PPARG: variants seen among roughly 807,000 people sequenced by gnomAD.
PPARG encodes peroxisome proliferator-activated receptor gamma.
In PPARG, 17 loss-of-function variants were observed where a neutral mutation model predicts 39.2. The observed-to-expected ratio is 0.43, with a 90% CI of 0.30 to 0.65. PPARG has a LOEUF of 0.65. Among genes scored for constraint, PPARG ranks in the 30% least tolerant of loss-of-function variants. The probability of loss-of-function intolerance (pLI) is 0.13; values close to 1 mark genes in which losing one functional copy is unlikely to be tolerated. For missense variants in PPARG, 406 were observed against 585.9 expected (o/e 0.69, Z 3.17); for synonymous variants, 223 against 215.7 (o/e 1.03, Z -0.30).
chr3:12,338,535 A>T (rs1440234983), intron 2 of PPARG, among the ~76,000 whole-genome samples: 2 of 152,228 alleles, frequency 1.3e-5, no homozygotes, highest in Non-Finnish European at 2.9e-5. Flanking sequence ...GTTGTAAACT[A>T]TGTTTATAGC....
At chr3:12,348,085 T>G (rs1441962299) in intron 2 of PPARG, among the ~76,000 whole-genome samples, 1 of 152,148 alleles carries the variant, frequency 6.6e-6, no homozygotes, top group Admixed American at 6.5e-5. Flanking sequence ...GAGAATAAAT[T>G]CCAAATTTAT....
At chr3:12,331,598 G>A (rs1260682326) in intron 2 of PPARG, among the ~76,000 whole-genome samples, 2 of 152,162 alleles carry the variant, frequency 1.3e-5, no homozygotes, top group African/African-American at 4.8e-5. Flanking sequence ...AGGCAAGGAT[G>A]GCAGACAGGA....
chr3:12,421,392 G>C (rs1553651430), intron 7 of PPARG, among the ~76,000 whole-genome samples: 1 of 152,210 alleles, frequency 6.6e-6, no homozygotes, highest in Non-Finnish European at 1.5e-5. Context: ...GCAAAGCCAT[G>C]TTTGCAACTG....
At chr3:12,302,687 A>G (rs2046958810) in intron 1 of PPARG, among the ~76,000 whole-genome samples, 1 of 152,222 alleles carries the variant, frequency 6.6e-6, no homozygotes, top group South Asian at 2.1e-4. Context: ...AGTGAGAAAC[A>G]TGGTTGGAAG....
chr3:12,387,235 A>G (rs1217802399), intron 4 of PPARG, among the ~76,000 whole-genome samples: 2 of 152,200 alleles, frequency 1.3e-5, no homozygotes, highest in Non-Finnish European at 2.9e-5. Flanking sequence ...ATATATACCC[A>G]GTAATGGGAT....
At position 12,381,473 on chromosome 3, in the gene PPARG, T is replaced by C. The variant is rs199870649; in HGVS notation, c.372T>C (p.His124=). 1.2e-6 allele frequency: 2 copies of C among 1,613,560 alleles called. No homozygotes were observed. The highest frequency in any genetic ancestry group is 3.3e-5 in the Admixed American group (2 of 59,938). ...CTTCTGGATTTCACTATGGAGTTCATGCTTGTGAAGGATGCAAGGTAATTA... is the reference window on the plus strand; with the variant it reads ...CTTCTGGATTTCACTATGGAGTTCACGCTTGTGAAGGATGCAAGGTAATTA... The part of the protein sequence containing the change: ...DKASGFHYGV[H]ACEGCKGFFR... The change falls in exon 4 of 8, where the codon CAT becomes CAC. Residue 124 remains histidine, a synonymous_variant. Coordinates refer to ENST00000651735, the MANE Select transcript of PPARG (RefSeq NM_138711.6).
intron 2 of PPARG, among the ~76,000 whole-genome samples, chr3:12,343,128 C>T (rs951732868): frequency 6.9e-6 from 1 of 144,422 alleles, no homozygotes; most frequent in South Asian, 2.1e-4. Flanking sequence ...TTTGGCTCCC[C>T]TGTGTTGATC....
rs558810318 is a variant in PPARG at position 12,371,873 on chromosome 3, C to T, written c.-8-7831C>T. 7 of 698,192 alleles carry T rather than the reference C, an allele frequency of 1.0e-5. No individual in the cohort carries two copies. In the South Asian group the frequency reaches 1.0e-4, roughly 10 times the overall value. The allele number at this position is 698,192 out of a possible 1,614,324, so 43.2% of individuals were successfully genotyped here. ...TAGTGTTTCAGGATGATTCTTGTCTCTGGATGTCGCTGTCATGATGGGAGA... is the reference window on the plus strand; with the variant it reads ...TAGTGTTTCAGGATGATTCTTGTCTTTGGATGTCGCTGTCATGATGGGAGA... On this transcript the variant is annotated intron_variant, in intron 2 of 7. Transcript: ENST00000651735.
intron 6 of PPARG, among the ~76,000 whole-genome samples, chr3:12,407,699 C>T (rs771749517): frequency 1.3e-5 from 2 of 152,174 alleles, no homozygotes; most frequent in Non-Finnish European, 2.9e-5. Context: ...ATTAACCTTT[C>T]ATGTATTTTG....
intron 7 of PPARG, among the ~76,000 whole-genome samples, chr3:12,419,134 G>A (rs765566643): frequency 2.6e-5 from 4 of 151,902 alleles, no homozygotes; most frequent in Non-Finnish European, 5.9e-5. Context: ...TAGTAGAGAC[G>A]GGGTTTCATC....
intron 5 of PPARG, among the ~76,000 whole-genome samples, chr3:12,401,539 G>A (rs1324853122): frequency 6.6e-6 from 1 of 151,452 alleles, no homozygotes; most frequent in Non-Finnish European, 1.5e-5. Context: ...CAATTATGTG[G>A]GACTCAAAAG....
intron 1 of PPARG, among the ~76,000 whole-genome samples, chr3:12,300,414 C>T (rs1336171090): frequency 1.3e-5 from 2 of 152,216 alleles, no homozygotes; most frequent in African/African-American, 2.4e-5. Context: ...TCATGTAATT[C>T]ATGCTGTGTA....
intron 2 of PPARG, among the ~76,000 whole-genome samples, chr3:12,346,016 A>T (rs186362794): frequency 2.6e-5 from 4 of 152,352 alleles, no homozygotes; most frequent in Admixed American, 2.0e-4. Flanking sequence ...TTACTAGAGA[A>T]TTTCAGATAT....
intron 2 of PPARG, among the ~76,000 whole-genome samples, chr3:12,344,539 A>T (rs959387612): frequency 5.9e-5 from 9 of 152,190 alleles, no homozygotes; most frequent in Admixed American, 5.9e-4. Flanking sequence ...GTTACATTTT[A>T]TTTTCAGTCA....
intron 4 of PPARG, among the ~76,000 whole-genome samples, chr3:12,387,261 T>C (rs903397511): frequency 1.3e-5 from 2 of 152,206 alleles, no homozygotes; most frequent in Admixed American, 6.5e-5. Context: ...GGTCAAATGG[T>C]ATTTCTAGTT....
intron 1 of PPARG, among the ~76,000 whole-genome samples, chr3:12,292,586 G>A (rs373795194): frequency 1.5e-4 from 23 of 152,306 alleles, no homozygotes; most frequent in African/African-American, 5.5e-4. Context: ...CTAGTAGGGA[G>A]TAAGTGGAAA....
chr3:12,413,105 A>G (rs1325840696), intron 6 of PPARG, among the ~76,000 whole-genome samples: 2 of 151,830 alleles, frequency 1.3e-5, no homozygotes, highest in Non-Finnish European at 2.9e-5. Flanking sequence ...ACATTGTACC[A>G]CATTGTACCA....
chr3:12,319,196 G>A (rs2047471442), intron 2 of PPARG, among the ~76,000 whole-genome samples: 1 of 152,178 alleles, frequency 6.6e-6, no homozygotes, highest in Non-Finnish European at 1.5e-5. Context: ...GCATCACAGA[G>A]ATGTATGTTT....
intron 2 of PPARG, among the ~76,000 whole-genome samples, chr3:12,371,124 T>A (rs968990820): frequency 5.3e-5 from 8 of 152,186 alleles, no homozygotes; most frequent in Admixed American, 1.3e-4. Flanking sequence ...TGAGAACTTA[T>A]TAAGTATCCA....
Sources: gnomAD v4.1 joint callset for allele counts (sites outside exome capture counted in the v4.1 genomes callset) on GRCh38, gnomAD v4.1.1 for gene constraint, MANE v1.5 for transcripts, NCBI Gene and HGNC (gene_info 2026-07-23, HGNC 2026-07-21) for gene names.